Variants in ARMC9 observed in about 807,000 individuals in gnomAD.
ARMC9 encodes armadillo repeat containing 9, also known as lisH domain-containing protein ARMC9.
ARMC9 carries 94 observed loss-of-function variants against 107.0 expected under a neutral mutation model. The ratio of observed to expected loss-of-function variants is 0.88; its 90% CI spans 0.74 to 1.04. ARMC9 has a LOEUF of 1.04. Ranked by LOEUF, ARMC9 falls within the 50% of genes least tolerant of loss-of-function variation. ARMC9 has a pLI of 0.00. For synonymous variants in ARMC9, 380 were observed against 396.9 expected (o/e 0.96, Z 0.51); for missense variants, 942 against 1,030.1 (o/e 0.91, Z 1.17).
At chr2:231,306,583 A>G (rs1375261615) in intron 19 of ARMC9, among the ~76,000 whole-genome samples, 1 of 152,194 alleles carries the variant, frequency 6.6e-6, no homozygotes, top group Non-Finnish European at 1.5e-5. Flanking sequence ...GACAGATCCA[A>G]CAAAGTGCAA....
rs145012305 is a variant in ARMC9 at position 231,245,623 on chromosome 2, TC to T, written c.879+5584del. 6.3e-3 allele frequency among the ~76,000 whole-genome samples: 964 copies of T among 152,364 alleles called. 15 individuals carry two copies. Among genetic ancestry groups the T allele is most frequent in the Middle Eastern group, 0.037 (11 of 294 alleles). The stretch of plus-strand genomic sequence containing the variant: ...ACCTGTTGCCTGTGTTTCATATGCG[TC>T]CTTCTAGAGCCTTGAAGTATATATC... On this transcript the variant is annotated intron_variant, in intron 9 of 24. Transcript: ENST00000611582.
chr2:231,330,605 A>C (rs1361994643), intron 19 of ARMC9, among the ~76,000 whole-genome samples: 1 of 152,178 alleles, frequency 6.6e-6, no homozygotes, highest in Non-Finnish European at 1.5e-5. Flanking sequence ...CTGCCTACCC[A>C]GCCTTCTCTG....
chr2:231,339,383 C>T (rs1235603943), intron 20 of ARMC9, among the ~76,000 whole-genome samples: 1 of 151,608 alleles, frequency 6.6e-6, no homozygotes, highest in Non-Finnish European at 1.5e-5. Context: ...TAAATCAACA[C>T]CTGTAGAAAA....
intron 22 of ARMC9, among the ~76,000 whole-genome samples, chr2:231,359,120 C>T (rs1438851792): frequency 1.5e-5 from 2 of 137,680 alleles, no homozygotes; most frequent in African/African-American, 6.1e-5. Flanking sequence ...GAGTCTCGCT[C>T]TCTCACCCAG....
At chr2:231,237,781 ATTTTTTTTTTTTT>A (rs142285288) in intron 8 of ARMC9, among the ~76,000 whole-genome samples, 9 of 26,956 alleles carry the variant, frequency 3.3e-4, no homozygotes, top group Admixed American at 1.6e-3. Context: ...ATATATATAT[ATTTTTTTTTTTTT>A]TTTTTTTTTT....
chr2:231,363,056 G>T (rs2045656557), intron 23 of ARMC9, among the ~76,000 whole-genome samples: 1 of 152,154 alleles, frequency 6.6e-6, no homozygotes, highest in Admixed American at 6.6e-5. Context: ...GCTGCAGGGA[G>T]TGTGCACAGT....
chr2:231,327,186 T>C (rs926212858), intron 19 of ARMC9, among the ~76,000 whole-genome samples: 1 of 152,210 alleles, frequency 6.6e-6, no homozygotes, highest in African/African-American at 2.4e-5. Context: ...TCCCCCATGA[T>C]TGTGTGTGCC....
intron 15 of ARMC9, 123 bp downstream of exon 15, chr2:231,276,898 G>A (rs2039810881): frequency 2.2e-6 from 3 of 1,336,940 alleles, no homozygotes; most frequent in East Asian, 2.5e-5. Flanking sequence ...AACAGAAAAA[G>A]GAGTAGAAAG....
intron 7 of ARMC9, among the ~76,000 whole-genome samples, chr2:231,227,233 C>A (rs1466428142): frequency 2.6e-5 from 4 of 152,140 alleles, no homozygotes; most frequent in Non-Finnish European, 5.9e-5. Flanking sequence ...ATTTTCCATT[C>A]CCAAGTAGGA....
intron 1 of ARMC9, among the ~76,000 whole-genome samples, chr2:231,199,747 G>T (rs796156895): frequency 2.6e-5 from 4 of 152,246 alleles, no homozygotes; most frequent in African/African-American, 9.6e-5. Context: ...TCAGGCTGGA[G>T]TGGAGTGGCA....
intron 11 of ARMC9, among the ~76,000 whole-genome samples, chr2:231,259,840 A>G (rs2038173680): frequency 6.6e-6 from 1 of 151,944 alleles, no homozygotes; most frequent in Admixed American, 6.5e-5. Context: ...TAAAAATACA[A>G]AAAAAATTAG....
chr2:231,368,672 TG>T (rs1270473422), intron 23 of ARMC9, among the ~76,000 whole-genome samples: 2 of 152,242 alleles, frequency 1.3e-5, no homozygotes, highest in Admixed American at 1.3e-4. Context: ...TTGCCCAAGC[TG>T]GAGGGCCCTG....
rs79044023 is a variant in ARMC9, at chr2:231,340,041, G to A, written c.1879-4934G>A. Among the ~76,000 whole-genome samples, 162 of 148,520 alleles carry A rather than the reference G, an allele frequency of 1.1e-3. 2 individuals carry two copies. In the East Asian group the frequency reaches 0.022, roughly 20 times the overall value. ...AAATTGATGTAAAACAGATACACAG[G>A]AGAAAAGCATATACATTCTATAAGT... On this transcript the variant is annotated intron_variant, in intron 20 of 24. Transcript: ENST00000611582.
At chr2:231,337,396 C>T (rs190854948) in intron 20 of ARMC9, among the ~76,000 whole-genome samples, 167 of 138,040 alleles carry the variant, frequency 1.2e-3, no homozygotes, top group African/African-American at 4.2e-3. Flanking sequence ...CTCCCAGGTT[C>T]GAGGATTCTC....
At chr2:231,370,211 C>T (rs996019467) in intron 24 of ARMC9, 86 bp downstream of exon 24, 35 of 1,389,902 alleles carry the variant, frequency 2.5e-5, no homozygotes, top group South Asian at 6.2e-5. Flanking sequence ...TATTTGGCCC[C>T]GTGCTCCTGT....
At chr2:231,224,676 A>G (rs2034476482) in intron 6 of ARMC9, among the ~76,000 whole-genome samples, 1 of 152,226 alleles carries the variant, frequency 6.6e-6, no homozygotes, top group African/African-American at 2.4e-5. Context: ...ATAACATTCT[A>G]ATATTTTCCT....
chr2:231,258,185 C>G (rs2038010823), intron 10 of ARMC9, among the ~76,000 whole-genome samples: 1 of 151,798 alleles, frequency 6.6e-6, no homozygotes, highest in Non-Finnish European at 1.5e-5. Flanking sequence ...CTCTTTTTTT[C>G]TTTTTTTTCT....
At chr2:231,344,132 C>A (rs1317093608) in intron 20 of ARMC9, among the ~76,000 whole-genome samples, 1 of 152,114 alleles carries the variant, frequency 6.6e-6, no homozygotes, top group African/African-American at 2.4e-5. Flanking sequence ...GTTTATCTTA[C>A]GCTTTCCATG....
At position 231,310,143 on chromosome 2, in the gene ARMC9, G is replaced by A. The variant is rs540455608; in HGVS notation, c.1773+13890G>A. 1.6e-4 allele frequency among the ~76,000 whole-genome samples: 25 copies of A among 152,090 alleles called. 2 individuals carry two copies. The South Asian group carries it at 3.5e-3, about 21-fold the overall frequency. On this transcript the variant is annotated intron_variant, in intron 19 of 24. Transcript: ENST00000611582. ...AAAGTTCAGCTATGGGGCCGGGCGC[G>A]GTGGCTCACGCCTGTAATCCCAGCA...
Sources: allele counts gnomAD v4.1 joint callset (sites outside exome capture counted in the v4.1 genomes callset), GRCh38; gene constraint gnomAD v4.1.1; transcripts MANE v1.5; gene names NCBI Gene and HGNC (gene_info 2026-07-23, HGNC 2026-07-21).